Variants in GPC5 observed in about 807,000 individuals in gnomAD.
GPC5 encodes the protein glypican-5.
GPC5 carries 47 observed loss-of-function variants against 53.9 expected under a neutral mutation model. That is an observed-to-expected ratio of 0.87 (90% CI 0.69 to 1.11). The LOEUF is 1.11. Among genes scored for constraint, GPC5 ranks in the 50% most tolerant of loss-of-function variants. The probability of loss-of-function intolerance (pLI) is 0.00; values close to 1 mark genes in which losing one functional copy is unlikely to be tolerated. For synonymous variants in GPC5, 286 were observed against 263.3 expected, an observed-to-expected ratio of 1.09 and a Z score of -0.84; for missense variants, 748 against 713.1, an observed-to-expected ratio of 1.05 and a Z score of -0.56.
chr13:91,642,932 G>C (rs1431908208), intron 2 of GPC5, among the ~76,000 whole-genome samples: 1 of 152,090 alleles, frequency 6.6e-6, no homozygotes, highest in Non-Finnish European at 1.5e-5. Flanking sequence ...AGACAGGAAG[G>C]GAATCAGAAT....
chr13:92,393,591 G>A (rs992221289), intron 7 of GPC5, among the ~76,000 whole-genome samples: 3 of 152,188 alleles, frequency 2.0e-5, no homozygotes, highest in African/African-American at 7.2e-5. Context: ...GGAGGTTGCA[G>A]TGACCTGAGA....
intron 7 of GPC5, among the ~76,000 whole-genome samples, chr13:92,168,241 G>T (rs2042045256): frequency 6.6e-6 from 1 of 152,084 alleles, no homozygotes; most frequent in Non-Finnish European, 1.5e-5. Context: ...AACCCTAGAA[G>T]AAAATCTAGG....
intron 7 of GPC5, among the ~76,000 whole-genome samples, chr13:92,768,578 C>T (rs1875497104): frequency 6.6e-6 from 1 of 152,094 alleles, no homozygotes. Flanking sequence ...TACCTGATTT[C>T]TCTAATTTTC....
At chr13:91,817,134 C>T (rs1452574056) in intron 5 of GPC5, among the ~76,000 whole-genome samples, 1 of 152,154 alleles carries the variant, frequency 6.6e-6, no homozygotes, top group Non-Finnish European at 1.5e-5. Context: ...CATACCTAGT[C>T]CATTTTATTT....
intron 5 of GPC5, among the ~76,000 whole-genome samples, chr13:91,823,724 A>G (rs1246116403): frequency 6.6e-6 from 1 of 152,104 alleles, no homozygotes; most frequent in Non-Finnish European, 1.5e-5. Flanking sequence ...TTGCTATAAA[A>G]CAGTGAGTGC....
At chr13:92,492,556 C>CA (rs1191627671) in intron 7 of GPC5, among the ~76,000 whole-genome samples, 1 of 151,268 alleles carries the variant, frequency 6.6e-6, no homozygotes, top group African/African-American at 2.4e-5. Context: ...TAAAACAAAA[C>CA]AAAAAAAGTA....
chr13:92,808,242 C>A (rs894882363), intron 7 of GPC5, among the ~76,000 whole-genome samples: 1 of 152,000 alleles, frequency 6.6e-6, no homozygotes, highest in African/African-American at 2.4e-5. Context: ...TTTTGTAATG[C>A]TTTGAAAGAG....
At chr13:92,346,657 G>A (rs1267038547) in intron 7 of GPC5, among the ~76,000 whole-genome samples, 1 of 152,102 alleles carries the variant, frequency 6.6e-6, no homozygotes, top group South Asian at 2.1e-4. Flanking sequence ...GAAGAATTAG[G>A]GAATCATTAC....
chr13:92,138,534 TA>T (rs772365167), intron 6 of GPC5, among the ~76,000 whole-genome samples: 93 of 148,756 alleles, frequency 6.3e-4, no homozygotes, highest in East Asian at 1.2e-3. Flanking sequence ...AAATAAAAAA[TA>T]AAAAATAAAA....
Position 92,310,021 on chromosome 13 carries a change from G to A in GPC5, c.1561+165032G>A, listed in dbSNP as rs545802273. On this transcript the variant is annotated intron_variant, in intron 7 of 7. Coordinates refer to ENST00000377067, the MANE Select transcript of GPC5 (RefSeq NM_004466.6). ...TGCATTATTTGCCTGTCTGAATCTGGTTTATTTTGCTTACCATGATGTCCT... is the reference window on the plus strand; with the variant it reads ...TGCATTATTTGCCTGTCTGAATCTGATTTATTTTGCTTACCATGATGTCCT... Among the ~76,000 whole-genome samples the A allele has an allele frequency of 5.9e-5, 9 of 152,080 alleles. No homozygotes were observed. The South Asian group carries it at 1.9e-3, about 32-fold the overall frequency.
At chr13:91,935,453 G>A (rs2039861333) in intron 6 of GPC5, among the ~76,000 whole-genome samples, 1 of 152,014 alleles carries the variant, frequency 6.6e-6, no homozygotes, top group Admixed American at 6.6e-5. Context: ...CAGCAGTAAA[G>A]CATTGTATAT....
At chr13:92,682,732 T>A (rs1887147005) in intron 7 of GPC5, among the ~76,000 whole-genome samples, 1 of 152,136 alleles carries the variant, frequency 6.6e-6, no homozygotes, top group Admixed American at 6.6e-5. Flanking sequence ...CGGACACGGG[T>A]TGTATACATT....
chr13:91,829,546 G>A (rs996843062), intron 5 of GPC5, among the ~76,000 whole-genome samples: 1 of 151,980 alleles, frequency 6.6e-6, no homozygotes, highest in Non-Finnish European at 1.5e-5. Flanking sequence ...GAGTGTATAT[G>A]GGTGAGAAAG....
chr13:92,452,878 T>C (rs916359782), intron 7 of GPC5, among the ~76,000 whole-genome samples: 1 of 152,174 alleles, frequency 6.6e-6, no homozygotes, highest in African/African-American at 2.4e-5. Context: ...AGATTACTCT[T>C]ATTTTTATAG....
intron 7 of GPC5, among the ~76,000 whole-genome samples, chr13:92,794,912 A>T (rs1337883472): frequency 6.6e-6 from 1 of 152,176 alleles, no homozygotes. Context: ...AGAACATTAC[A>T]TGCTCACGTA....
intron 2 of GPC5, among the ~76,000 whole-genome samples, chr13:91,465,886 A>C (rs1882205359): frequency 6.6e-6 from 1 of 152,204 alleles, no homozygotes; most frequent in South Asian, 2.1e-4. Context: ...AATTTATTTA[A>C]ATAAAAATAA....
At chr13:91,494,067 T>G (rs537616704) in intron 2 of GPC5, among the ~76,000 whole-genome samples, 2 of 151,816 alleles carry the variant, frequency 1.3e-5, no homozygotes, top group East Asian at 3.9e-4. Flanking sequence ...TATTTTTGTA[T>G]TTTTAGTAGA....
chr13:91,679,935 AT>A (rs960910400), intron 2 of GPC5, among the ~76,000 whole-genome samples: 4 of 150,368 alleles, frequency 2.7e-5, no homozygotes, highest in Admixed American at 6.6e-5. Flanking sequence ...TCTGAATACC[AT>A]TTTTTTTTCT....
intron 6 of GPC5, among the ~76,000 whole-genome samples, chr13:92,130,210 A>G (rs558139489): frequency 4.6e-5 from 7 of 152,112 alleles, no homozygotes; most frequent in Non-Finnish European, 8.8e-5. Context: ...ATATATTTAG[A>G]CAAGTAATTG....
Sources: gnomAD v4.1 joint callset for allele counts (sites outside exome capture counted in the v4.1 genomes callset) on GRCh38, gnomAD v4.1.1 for gene constraint, MANE v1.5 for transcripts, NCBI Gene and HGNC (gene_info 2026-07-23, HGNC 2026-07-21) for gene names.